NMNAT3: variants seen among roughly 807,000 people sequenced by gnomAD.
NMNAT3 encodes nicotinamide nucleotide adenylyltransferase 3, also known as nicotinamide/nicotinic acid mononucleotide adenylyltransferase 3.
Under a neutral mutation model 24.8 loss-of-function variants are expected in NMNAT3, and 21 were observed. The ratio of observed to expected loss-of-function variants is 0.85; its 90% CI spans 0.60 to 1.22. The LOEUF (loss-of-function observed/expected upper bound fraction) is 1.22, where lower values mean the gene tolerates loss of function less well. NMNAT3 is among the 50% of genes most tolerant of loss of function. The probability of loss-of-function intolerance (pLI) is 0.00; values close to 1 mark genes in which losing one functional copy is unlikely to be tolerated. For synonymous variants in NMNAT3, 136 were observed against 155.2 expected, an observed-to-expected ratio of 0.88 and a Z score of 0.92; for missense variants, 387 against 436.6, an observed-to-expected ratio of 0.89 and a Z score of 1.01.
At chr3:139,658,280 C>T (rs539681733) in intron 1 of NMNAT3, among the ~76,000 whole-genome samples, 2 of 152,314 alleles carry the variant, frequency 1.3e-5, no homozygotes, top group East Asian at 3.9e-4. Context: ...GCATTCTCCC[C>T]CTGCAGTGGG....
At chr3:139,649,753 C>A (rs1349866521) in intron 1 of NMNAT3, among the ~76,000 whole-genome samples, 2 of 152,170 alleles carry the variant, frequency 1.3e-5, no homozygotes, top group Admixed American at 6.5e-5. Flanking sequence ...CCCCAAAACA[C>A]ACCCAAACCA....
intron 3 of NMNAT3, among the ~76,000 whole-genome samples, chr3:139,591,216 C>T (rs2054154426): frequency 6.6e-6 from 1 of 151,392 alleles, no homozygotes; most frequent in Non-Finnish European, 1.5e-5. Context: ...ACGGACGCAC[C>T]TGGAAAATCG....
In NMNAT3 at chr3:139,575,731, C is replaced by T. The variant is rs899272830; in HGVS notation, c.576-2051G>A. On this transcript the variant is annotated intron_variant, in intron 5 of 6. Coordinates refer to ENST00000643695, the MANE Select transcript of NMNAT3 (RefSeq NM_001320510.2). ...GGGCATGACCATTAACTGCTTCTTG[C>T]TGCCTGCCTGAGTGGTACCTTGGGC... 1.2e-5 allele frequency: 13 copies of T among 1,092,272 alleles called. No homozygotes were observed. The Admixed American group carries it at 1.4e-4, about 12-fold the overall frequency. 67.7% of individuals were successfully genotyped at this position (1,092,272 alleles called of 1,614,324 possible).
chr3:139,662,057 G>T (rs1414746461), intron 1 of NMNAT3, among the ~76,000 whole-genome samples: 1 of 152,080 alleles, frequency 6.6e-6, no homozygotes, highest in Non-Finnish European at 1.5e-5. Flanking sequence ...CCATCTGAGG[G>T]CTCCATCATT....
intron 3 of NMNAT3, among the ~76,000 whole-genome samples, chr3:139,604,866 A>G (rs1054497880): frequency 1.3e-5 from 2 of 151,984 alleles, no homozygotes; most frequent in Admixed American, 6.5e-5. Context: ...CTAAGGGGGG[A>G]AAAAAGACAC....
intron 3 of NMNAT3, among the ~76,000 whole-genome samples, chr3:139,586,701 G>T (rs970749876): frequency 6.6e-6 from 1 of 152,144 alleles, no homozygotes; most frequent in African/African-American, 2.4e-5. Flanking sequence ...AGAGAGAAAA[G>T]GTTTATTTAA....
intron 5 of NMNAT3, among the ~76,000 whole-genome samples, chr3:139,577,557 C>G (rs768949877): frequency 6.6e-6 from 1 of 152,196 alleles, no homozygotes; most frequent in Non-Finnish European, 1.5e-5. Flanking sequence ...CATATTAAAG[C>G]TAAATTACTT....
At chr3:139,564,408 C>G (rs1936867084) in intron 6 of NMNAT3, among the ~76,000 whole-genome samples, 1 of 152,190 alleles carries the variant, frequency 6.6e-6, no homozygotes, top group Admixed American at 6.5e-5. Flanking sequence ...AGATAAAGGG[C>G]CTGCTCTGTT....
intron 5 of NMNAT3, among the ~76,000 whole-genome samples, chr3:139,578,159 T>A (rs529072971): frequency 6.6e-6 from 1 of 152,322 alleles, no homozygotes; most frequent in East Asian, 1.9e-4. Flanking sequence ...TCTCTGGCAA[T>A]TCCCCCTTAA....
At chr3:139,628,543 A>G (rs756350677) in intron 2 of NMNAT3, among the ~76,000 whole-genome samples, 6 of 152,170 alleles carry the variant, frequency 3.9e-5, no homozygotes, top group Non-Finnish European at 7.4e-5. Context: ...CTGTATTCTG[A>G]TCTCACCTAT....
chr3:139,650,131 G>A (rs1013921028), intron 1 of NMNAT3, among the ~76,000 whole-genome samples: 1 of 152,124 alleles, frequency 6.6e-6, no homozygotes, highest in African/African-American at 2.4e-5. Flanking sequence ...CTTAAGCGAT[G>A]GCTCTTACTG....
chr3:139,560,431 A>G lies in NMNAT3; in HGVS notation c.*579T>C, dbSNP rs295505. On this transcript the variant is annotated 3_prime_UTR_variant, in exon 7 of 7. Coordinates refer to ENST00000643695, the MANE Select transcript of NMNAT3 (RefSeq NM_001320510.2). Reference sequence around the variant, plus strand: ...AGAGTTTTGTTTAAATTTTATGAAAAGCTGGTTAGGCAGGCAGACAATGGT... The same window carrying G: ...AGAGTTTTGTTTAAATTTTATGAAAGGCTGGTTAGGCAGGCAGACAATGGT... The G allele has an allele frequency of 0.97, 148,641 of 152,752 alleles. 72,457 individuals carry two copies. The highest frequency in any genetic ancestry group is 1 in the East Asian group (5,178 of 5,178). The allele number at this position is 152,752 out of a possible 1,614,324, so 9.5% of individuals were successfully genotyped here. A position where few individuals can be genotyped will look rare whatever the true frequency, so the allele number is the denominator to read the frequency against.
chr3:139,602,394 C>T (rs911276523), intron 3 of NMNAT3, among the ~76,000 whole-genome samples: 6 of 152,218 alleles, frequency 3.9e-5, no homozygotes, highest in African/African-American at 1.4e-4. Context: ...GAACAGGAAA[C>T]TTGAAACAAG....
intron 6 of NMNAT3, among the ~76,000 whole-genome samples, chr3:139,561,875 A>C (rs1221109710): frequency 6.6e-6 from 1 of 152,136 alleles, no homozygotes; most frequent in Non-Finnish European, 1.5e-5. Context: ...TAACAATCTC[A>C]CTATAAAGAT....
At chr3:139,646,718 T>C (rs1268476372) in intron 1 of NMNAT3, among the ~76,000 whole-genome samples, 1 of 152,226 alleles carries the variant, frequency 6.6e-6, no homozygotes, top group Non-Finnish European at 1.5e-5. Flanking sequence ...TGCAGTTTAA[T>C]TTATGAGCAT....
rs563982613 is a variant in NMNAT3, at chr3:139,561,126, C to A, written c.925G>T (p.Val309Leu). 8.7e-6 allele frequency: 14 copies of A among 1,614,136 alleles called. No individual in the cohort carries two copies. The South Asian group carries it at 1.4e-4, about 16-fold the overall frequency. ...ACAGCATCGGGAATCAGGTACTTTA[C>A]GCTCTGCCCTTGGCCCAAGGCTCGC... The change falls in exon 7 of 7, where the codon GTA becomes TTA. Residue 309 changes from valine to leucine, a missense_variant. By Grantham distance (32) the Val-to-Leu change is conservative. Coordinates refer to ENST00000643695, the MANE Select transcript of NMNAT3 (RefSeq NM_001320510.2).
chr3:139,574,145 C>T (rs1344023905), intron 5 of NMNAT3, among the ~76,000 whole-genome samples: 1 of 152,200 alleles, frequency 6.6e-6, no homozygotes, highest in Non-Finnish European at 1.5e-5. Flanking sequence ...CAGTGCATGG[C>T]CCACAGCTAG....
chr3:139,625,632 G>C (rs1340824953), intron 3 of NMNAT3, among the ~76,000 whole-genome samples: 2 of 151,932 alleles, frequency 1.3e-5, no homozygotes, highest in Non-Finnish European at 2.9e-5. Flanking sequence ...TTCTACATAG[G>C]TTATAAATCC....
intron 1 of NMNAT3, among the ~76,000 whole-genome samples, chr3:139,672,380 T>C (rs1441251510): frequency 2.0e-5 from 3 of 152,234 alleles, no homozygotes; most frequent in African/African-American, 7.2e-5. Flanking sequence ...GGTTGACTGA[T>C]GGACACATTT....
Sources: gnomAD v4.1 joint callset for allele counts (sites outside exome capture counted in the v4.1 genomes callset) on GRCh38, gnomAD v4.1.1 for gene constraint, MANE v1.5 for transcripts, NCBI Gene and HGNC (gene_info 2026-07-23, HGNC 2026-07-21) for gene names.